The following CABIN1 variants were observed in gnomAD, a reference collection of about 807,000 sequenced individuals.
CABIN1 encodes the protein calcineurin binding protein 1, also known as calcineurin-binding protein cabin-1.
A neutral mutation model predicts 227.7 loss-of-function variants in CABIN1; 133 were observed. That is an observed-to-expected ratio of 0.58 (90% confidence interval 0.51 to 0.67). The LOEUF is 0.67. CABIN1 is among the 30% of genes least tolerant of loss of function. The pLI is 0.00. For synonymous variants in CABIN1, 1,086 were observed against 1,155.1 expected, an observed-to-expected ratio of 0.94 and a Z score of 1.21; for missense variants, 2,408 against 2,852.5, an observed-to-expected ratio of 0.84 and a Z score of 3.55.
rs746869495 is a variant in CABIN1 at position 24,087,687 on chromosome 22, G to A, written c.3499G>A (p.Glu1167Lys). ...ACGTCAATTGAAGCAGTGGAGAGGC[G>A]AGCTGCCCCCTGAGCTCGTGCAGCA... ...ASRQLKQWRG[E>K]LPPELVQQME... The change falls in exon 23 of 37, where the codon GAG becomes AAG. Residue 1167 changes from glutamate to lysine, a missense_variant. Around this residue, in one of 3 missense-constraint regions of CABIN1, gnomAD observed 649 missense variants for 910.3 expected, o/e 0.71. Transcript: ENST00000263119. The A allele has an allele frequency of 1.9e-5, 31 of 1,614,056 alleles. No individual in the cohort carries two copies. The highest frequency in any genetic ancestry group is 2.4e-5 in the Non-Finnish European group (28 of 1,180,024).
chr22:24,146,179 G>A (rs2045103354), intron 29 of CABIN1, among the ~76,000 whole-genome samples: 1 of 152,240 alleles, frequency 6.6e-6, no homozygotes, highest in Non-Finnish European at 1.5e-5. Flanking sequence ...CTTGGCTGTA[G>A]TAGGAATTGC....
rs370711209 is a variant in CABIN1, at chr22:24,064,063, A to C, written c.1913A>C (p.Tyr638Ser). The part of the protein sequence containing the change: ...QGDMEQALEN[Y>S]DICTEMLQSS... ...GACATGGAGCAGGCCCTGGAGAACT[A>C]TGACATCTGCACAGAAATGCTCCAG... is the stretch of plus-strand genomic sequence containing the variant. The change falls in exon 15 of 37, where the codon TAT becomes TCT. Residue 638 changes from tyrosine to serine, a missense_variant. This residue lies in a region of CABIN1 where 1,045 missense variants were observed against 1,168.4 expected (regional missense o/e 0.89). Transcript: ENST00000263119. The C allele has an allele frequency of 6.9e-5, 112 of 1,614,066 alleles. No individual in the cohort carries two copies. Among genetic ancestry groups the C allele is most frequent in the Non-Finnish European group, 8.9e-5 (105 of 1,180,034 alleles).
intron 9 of CABIN1, 45 bp downstream of exon 9, chr22:24,055,204 C>T (rs1340656521): frequency 1.3e-6 from 2 of 1,597,488 alleles, no homozygotes; most frequent in Non-Finnish European, 1.7e-6. Flanking sequence ...ACCCCGTTCA[C>T]TGAGCCCAGC....
At chr22:24,058,018 A>C (rs1015389253) in intron 10 of CABIN1, among the ~76,000 whole-genome samples, 1 of 152,052 alleles carries the variant, frequency 6.6e-6, no homozygotes, top group African/African-American at 2.4e-5. Context: ...TTTGTGGTTT[A>C]GTGTCTGCTC....
At position 24,067,639 on chromosome 22, in the gene CABIN1, C is replaced by T. The variant is rs370593802; in HGVS notation, c.2232+458C>T. Among the ~76,000 whole-genome samples the T allele has an allele frequency of 3.3e-5, 5 of 152,336 alleles. No individual in the cohort carries two copies. The East Asian group carries it at 9.6e-4, about 29-fold the overall frequency. On this transcript the variant is annotated intron_variant, in intron 16 of 36. Transcript: ENST00000263119. The stretch of plus-strand genomic sequence containing the variant: ...TTATGTTTGAAACCTCGTGTGCCCT[C>T]CTGAATCCTTCTGTGCTTCTGTTCC...
In CABIN1 at chr22:24,112,335, A is replaced by G. The variant is rs556524135; in HGVS notation, c.4118-1231A>G. ...AGCTGGCTTGGGTTTTGTTGTTGCTATGGTTACCTTTAGTGCCCCAGTGGT... is the reference window on the plus strand; with the variant it reads ...AGCTGGCTTGGGTTTTGTTGTTGCTGTGGTTACCTTTAGTGCCCCAGTGGT... On this transcript the variant is annotated intron_variant, in intron 26 of 36. Transcript: ENST00000263119. Among the ~76,000 whole-genome samples, 17 of 152,252 alleles carry G rather than the reference A, an allele frequency of 1.1e-4. No individual in the cohort carries two copies. The South Asian group carries it at 2.9e-3, about 26-fold the overall frequency.
intron 29 of CABIN1, among the ~76,000 whole-genome samples, chr22:24,150,864 C>A (rs772358534): frequency 6.6e-6 from 1 of 152,178 alleles, no homozygotes; most frequent in Non-Finnish European, 1.5e-5. Flanking sequence ...TGGACCCTGT[C>A]CCATTCCCTC....
intron 24 of CABIN1, chr22:24,092,115 G>A: frequency 1.9e-6 from 1 of 520,086 alleles, no homozygotes; most frequent in Non-Finnish European, 3.5e-6. Flanking sequence ...CTAAGAACCT[G>A]ACCTTGGTGA....
chr22:24,147,442 T>C (rs988554886), intron 29 of CABIN1, among the ~76,000 whole-genome samples: 1 of 148,430 alleles, frequency 6.7e-6, no homozygotes, highest in Non-Finnish European at 1.5e-5. Flanking sequence ...TTTTCTTTTC[T>C]TTCTTTCTTT....
chr22:24,071,842 C>T (rs1416631630), intron 17 of CABIN1, among the ~76,000 whole-genome samples: 1 of 152,196 alleles, frequency 6.6e-6, no homozygotes, highest in African/African-American at 2.4e-5. Context: ...TGGGCTACCC[C>T]CTGGGGTCCC....
chr22:24,134,940 TG>T (rs1423641028), intron 29 of CABIN1, among the ~76,000 whole-genome samples: 1 of 148,832 alleles, frequency 6.7e-6, no homozygotes, highest in Admixed American at 6.7e-5. Context: ...TAGCTGGGCG[TG>T]GTGGCGGGCG....
chr22:24,163,568 A>G (rs1745184249), intron 29 of CABIN1, among the ~76,000 whole-genome samples: 1 of 151,892 alleles, frequency 6.6e-6, no homozygotes, highest in African/African-American at 2.4e-5. Context: ...GGCTGCAGGG[A>G]CCCATCTAGG....
chr22:24,094,819 G>A (rs1358772375), intron 24 of CABIN1, among the ~76,000 whole-genome samples: 4 of 106,888 alleles, frequency 3.7e-5, no homozygotes, highest in South Asian at 6.2e-4. Flanking sequence ...GCGAGACTCC[G>A]TCTCAAAAAA....
chr22:24,044,997 G>A (rs1039251650), intron 6 of CABIN1, among the ~76,000 whole-genome samples: 2 of 148,690 alleles, frequency 1.3e-5, no homozygotes, highest in African/African-American at 5.0e-5. Flanking sequence ...TCGGCTTATC[G>A]CAAGGTCCAC....
intron 27 of CABIN1, among the ~76,000 whole-genome samples, chr22:24,117,326 C>G (rs777804889): frequency 2.0e-5 from 3 of 152,178 alleles, no homozygotes; most frequent in Non-Finnish European, 4.4e-5. Context: ...CTCAGCCTCC[C>G]GAGTAGCTGG....
intron 29 of CABIN1, among the ~76,000 whole-genome samples, chr22:24,157,574 A>T (rs2045912974): frequency 6.6e-6 from 1 of 152,192 alleles, no homozygotes; most frequent in African/African-American, 2.4e-5. Flanking sequence ...CATGTGTTAA[A>T]GGAGCTGGGC....
At chr22:24,096,106 C>T (rs1370872691) in intron 25 of CABIN1, 24 bp downstream of exon 25, 2 of 1,613,434 alleles carry the variant, frequency 1.2e-6, no homozygotes, top group African/African-American at 2.7e-5. Flanking sequence ...TTCAGGCGAC[C>T]CCTAGCAGCT....
intron 3 of CABIN1, 94 bp downstream of exon 3, chr22:24,036,275 C>T (rs2036880534): frequency 1.1e-6 from 1 of 892,360 alleles, no homozygotes; most frequent in Non-Finnish European, 1.9e-6. Context: ...CTCAGTGGGG[C>T]TTTAGGGGGA....
At chr22:24,094,732 G>A (rs530158061) in intron 24 of CABIN1, among the ~76,000 whole-genome samples, 95 of 150,582 alleles carry the variant, frequency 6.3e-4, no homozygotes, top group Middle Eastern at 3.4e-3. Flanking sequence ...CAGGAGAATG[G>A]CGTGAACCCG....
Sources: gnomAD v4.1 joint callset for allele counts (sites outside exome capture counted in the v4.1 genomes callset) on GRCh38, gnomAD v4.1.1 for gene constraint, gnomAD v4.1.1 regional missense constraint, MANE v1.5 for transcripts, NCBI Gene and HGNC (gene_info 2026-07-23, HGNC 2026-07-21) for gene names.